MTHFD2L: variants seen among roughly 807,000 people sequenced by gnomAD.
MTHFD2L encodes bifunctional methylenetetrahydrofolate dehydrogenase/cyclohydrolase 2, mitochondrial.
MTHFD2L carries 29 observed loss-of-function variants against 34.9 expected under a neutral mutation model. The ratio of observed to expected loss-of-function variants is 0.83; its 90% confidence interval spans 0.62 to 1.13. MTHFD2L has a LOEUF of 1.13. MTHFD2L is among the 50% of genes most tolerant of loss of function. The probability of loss-of-function intolerance (pLI) is 0.00; values close to 1 mark genes in which losing one functional copy is unlikely to be tolerated. For missense variants in MTHFD2L, 481 were observed against 446.5 expected, an observed-to-expected ratio of 1.08 and a Z score of -0.70; for synonymous variants, 167 against 155.7, an observed-to-expected ratio of 1.07 and a Z score of -0.54.
intron 3 of MTHFD2L, among the ~76,000 whole-genome samples, chr4:74,199,133 T>TA (rs1733974663): frequency 6.6e-6 from 1 of 152,122 alleles, no homozygotes. Context: ...TTTCTATACT[T>TA]ACTTTTAAAA....
upstream of MTHFD2L, chr4:74,157,357 G>A (rs1354163968): frequency 5.0e-5 from 14 of 279,778 alleles, no homozygotes; most frequent in Non-Finnish European, 2.1e-5. Context: ...TTCCCAGCTG[G>A]TTTTATCTGT....
chr4:74,122,162 G>A (rs1340666946), upstream of MTHFD2L, among the ~76,000 whole-genome samples: 2 of 151,796 alleles, frequency 1.3e-5, no homozygotes, highest in Non-Finnish European at 2.9e-5. Flanking sequence ...TTGTGTATTT[G>A]GAAATAGGGG....
chr4:74,189,485 C>CCTTTTTTTTTTTTTTTT (rs1168720652), intron 3 of MTHFD2L, among the ~76,000 whole-genome samples: 1 of 119,824 alleles, frequency 8.3e-6, no homozygotes, highest in East Asian at 2.4e-4. Flanking sequence ...GTTTTTCTTC[C>CCTTTTTTTTTTTTTTTT]TTTTTTTTTT....
At chr4:74,119,988 A>G (rs569879061), upstream of MTHFD2L, among the ~76,000 whole-genome samples, 4 of 152,214 alleles carry the variant, frequency 2.6e-5, no homozygotes, top group South Asian at 8.3e-4. Context: ...TCAAAAGAAA[A>G]AAAAAAGATG....
At chr4:74,177,912 G>A (rs1435987659) in intron 3 of MTHFD2L, among the ~76,000 whole-genome samples, 1 of 151,904 alleles carries the variant, frequency 6.6e-6, no homozygotes, top group Non-Finnish European at 1.5e-5. Context: ...TATGAAATAA[G>A]AATCAACTTT....
At chr4:74,294,245 T>C (rs1207450605) in intron 7 of MTHFD2L, among the ~76,000 whole-genome samples, 1 of 152,192 alleles carries the variant, frequency 6.6e-6, no homozygotes, top group Non-Finnish European at 1.5e-5. Context: ...CTAGCAAAAT[T>C]AATTCTGCTT....
At chr4:74,281,621 G>A (rs894813731) in intron 7 of MTHFD2L, 71 bp downstream of exon 7, 2 of 1,449,882 alleles carry the variant, frequency 1.4e-6, no homozygotes, top group Non-Finnish European at 1.8e-6. Flanking sequence ...TAAAAATAGA[G>A]AAGTTTCATT....
upstream of MTHFD2L, among the ~76,000 whole-genome samples, chr4:74,124,353 G>T (rs941903571): frequency 2.6e-5 from 4 of 151,750 alleles, no homozygotes; most frequent in Non-Finnish European, 5.9e-5. Flanking sequence ...TGATATATCT[G>T]TTGATAAGAT....
chr4:74,139,825 C>A (rs776476664), intron 1 of MTHFD2L, among the ~76,000 whole-genome samples: 33 of 152,132 alleles, frequency 2.2e-4, no homozygotes, highest in South Asian at 6.2e-4. Context: ...CTTTTCATGT[C>A]TTTTTCATTT....
chr4:74,168,140 C>G (rs543098968), intron 1 of MTHFD2L, among the ~76,000 whole-genome samples: 1 of 152,136 alleles, frequency 6.6e-6, no homozygotes, highest in African/African-American at 2.4e-5. Context: ...GTGAAAGTCA[C>G]GTCAAAATCT....
At chr4:74,292,094 ATTT>A (rs1445088509) in intron 7 of MTHFD2L, among the ~76,000 whole-genome samples, 5 of 152,298 alleles carry the variant, frequency 3.3e-5, no homozygotes, top group Non-Finnish European at 5.9e-5. Flanking sequence ...CACACTGAGC[ATTT>A]CACGAAACAG....
intron 3 of MTHFD2L, among the ~76,000 whole-genome samples, chr4:74,188,223 TGGAATG>T (rs1427126155): frequency 6.6e-6 from 1 of 152,286 alleles, no homozygotes; most frequent in East Asian, 1.9e-4. Flanking sequence ...GAAAATACCA[TGGAATG>T]AGAGGCTTAA....
intron 1 of MTHFD2L, among the ~76,000 whole-genome samples, chr4:74,136,822 G>T (rs974367291): frequency 6.6e-6 from 1 of 152,096 alleles, no homozygotes; most frequent in African/African-American, 2.4e-5. Flanking sequence ...CCATGCATTT[G>T]CAGCCAATTC....
At chr4:74,212,889 CAT>C (rs1235195324) in intron 5 of MTHFD2L, among the ~76,000 whole-genome samples, 4 of 152,100 alleles carry the variant, frequency 2.6e-5, no homozygotes, top group African/African-American at 9.7e-5. Flanking sequence ...GTATTGGGTG[CAT>C]ATATATTTAG....
intron 6 of MTHFD2L, among the ~76,000 whole-genome samples, chr4:74,254,422 AGATTTCTCAGCAGTG>A (rs1266843087): frequency 6.6e-6 from 1 of 152,220 alleles, no homozygotes; most frequent in Non-Finnish European, 1.5e-5. Context: ...AACCCGCATA[AGATTTCTCAGCAGTG>A]GATTTCTCAG....
intron 6 of MTHFD2L, among the ~76,000 whole-genome samples, chr4:74,246,678 G>A (rs1006062193): frequency 6.6e-6 from 1 of 152,130 alleles, no homozygotes; most frequent in Non-Finnish European, 1.5e-5. Flanking sequence ...AAGGGATCCA[G>A]TTTCAGCTTT....
At chr4:74,190,301 C>T (rs1173796444) in intron 3 of MTHFD2L, among the ~76,000 whole-genome samples, 1 of 152,160 alleles carries the variant, frequency 6.6e-6, no homozygotes. Context: ...ATTTTAGGAT[C>T]TCCATATACT....
intron 5 of MTHFD2L, among the ~76,000 whole-genome samples, chr4:74,213,291 T>C (rs1384158488): frequency 6.6e-6 from 1 of 152,098 alleles, no homozygotes; most frequent in Non-Finnish European, 1.5e-5. Context: ...TCTTCATAGT[T>C]TCCATGGTCT....
chr4:74,143,137 AAAAC>A (rs752356926), intron 1 of MTHFD2L, among the ~76,000 whole-genome samples: 32 of 152,170 alleles, frequency 2.1e-4, no homozygotes, highest in Non-Finnish European at 4.3e-4. Flanking sequence ...ATACAAAACA[AAAAC>A]AAACAAACAA....
Sources: allele counts gnomAD v4.1 joint callset (sites outside exome capture counted in the v4.1 genomes callset), GRCh38; gene constraint gnomAD v4.1.1; transcripts MANE v1.5; gene names NCBI Gene and HGNC (gene_info 2026-07-23, HGNC 2026-07-21).